Variants in LRP1B observed in about 807,000 individuals in gnomAD.
LRP1B encodes the protein LDL receptor related protein 1B, also known as low-density lipoprotein receptor-related protein 1B.
LRP1B carries 217 observed loss-of-function variants against 556.6 expected under a neutral mutation model. That is an observed-to-expected ratio of 0.39 (90% CI 0.35 to 0.44). The LOEUF (loss-of-function observed/expected upper bound fraction) is 0.44. LRP1B is among the 20% of genes least tolerant of loss of function. The probability of loss-of-function intolerance (pLI) is 1.00; values close to 1 mark genes in which losing one functional copy is unlikely to be tolerated. For synonymous variants in LRP1B, 2,047 were observed against 1,865.8 expected (o/e 1.10, Z -2.50); for missense variants, 5,053 against 5,620.8 (o/e 0.90, Z 3.23).
chr2:141,619,933 A>G (rs1030853227), intron 2 of LRP1B, among the ~76,000 whole-genome samples: 1 of 152,190 alleles, frequency 6.6e-6, no homozygotes, highest in African/African-American at 2.4e-5. Context: ...ATTTCATGCT[A>G]CTTATAATTG....
At chr2:140,458,167 A>G (rs543007454) in intron 60 of LRP1B, among the ~76,000 whole-genome samples, 1 of 152,284 alleles carries the variant, frequency 6.6e-6, no homozygotes, top group East Asian at 1.9e-4. Flanking sequence ...TTATGAAACT[A>G]CTATAAACCT....
chr2:140,769,491 T>C (rs1302057757), intron 34 of LRP1B, 147 bp from the exon 35 acceptor site: 6 of 738,834 alleles, frequency 8.1e-6, no homozygotes, highest in Non-Finnish European at 1.2e-5. Context: ...TATTGTGTAC[T>C]ACACTTCCTG....
At chr2:142,126,873 T>C (rs1439461051) in intron 1 of LRP1B, among the ~76,000 whole-genome samples, 1 of 151,904 alleles carries the variant, frequency 6.6e-6, no homozygotes, top group African/African-American at 2.4e-5. Flanking sequence ...TGACTTTAAA[T>C]GGAGCTGATT....
intron 31 of LRP1B, among the ~76,000 whole-genome samples, chr2:140,833,387 T>G (rs561319832): frequency 5.9e-5 from 9 of 152,324 alleles, no homozygotes; most frequent in African/African-American, 2.2e-4. Flanking sequence ...TTTCTTGGCT[T>G]AGCCCACCAC....
intron 3 of LRP1B, among the ~76,000 whole-genome samples, chr2:141,372,126 G>GT (rs977324642): frequency 2.2e-4 from 34 of 152,000 alleles, no homozygotes; most frequent in African/African-American, 8.0e-4. Flanking sequence ...TGATCATATA[G>GT]TTTTTTTCAT....
chr2:141,788,029 GGTTA>G (rs1157100516), intron 2 of LRP1B, among the ~76,000 whole-genome samples: 1 of 151,846 alleles, frequency 6.6e-6, no homozygotes, highest in Non-Finnish European at 1.5e-5. Flanking sequence ...CTTATTATTT[GGTTA>G]GTTTTTCATA....
chr2:140,820,930 AT>A (rs1236718798), intron 31 of LRP1B, among the ~76,000 whole-genome samples: 28 of 145,330 alleles, frequency 1.9e-4, no homozygotes, highest in Middle Eastern at 3.6e-3. Flanking sequence ...AAAAAAAAGT[AT>A]TTTTTTTCAA....
chr2:140,427,618 G>A (rs926014280), intron 66 of LRP1B, among the ~76,000 whole-genome samples: 2 of 152,144 alleles, frequency 1.3e-5, no homozygotes, highest in African/African-American at 4.8e-5. Context: ...ATGGGCAAAC[G>A]GTCTGAGGTG....
In LRP1B at chr2:141,734,173, C is replaced by T. The variant is rs1025116740; in HGVS notation, c.205+76106G>A. Among the ~76,000 whole-genome samples, 26 of 151,848 alleles carry T rather than the reference C, an allele frequency of 1.7e-4. 1 individual carries two copies. The highest frequency in any genetic ancestry group is 5.8e-4 in the East Asian group (3 of 5,164). ...CACTGAATCCATTGTAATTAATTGA[C>T]GAATTAATCTCTAGATTATCTTGGA... is the stretch of plus-strand genomic sequence containing the variant. On this transcript the variant is annotated intron_variant, in intron 2 of 90. Coordinates refer to ENST00000389484, the MANE Select transcript of LRP1B (RefSeq NM_018557.3).
intron 41 of LRP1B, among the ~76,000 whole-genome samples, chr2:140,643,932 A>G (rs1439126912): frequency 1.3e-5 from 2 of 152,226 alleles, no homozygotes; most frequent in Non-Finnish European, 2.9e-5. Context: ...GGTGGACGAT[A>G]TATGTCCAAA....
At chr2:141,480,653 G>GCAGCACTCT in intron 2 of LRP1B, 120 bp from the exon 3 acceptor site, 2 of 971,886 alleles carry the variant, frequency 2.1e-6, no homozygotes, top group Non-Finnish European at 3.3e-6. Flanking sequence ...TACTGTAAGA[G>GCAGCACTCT]TGCTGCTCTT....
At chr2:140,810,949 C>T (rs560083950) in intron 32 of LRP1B, among the ~76,000 whole-genome samples, 1 of 152,284 alleles carries the variant, frequency 6.6e-6, no homozygotes, top group East Asian at 1.9e-4. Context: ...GTTGACCACG[C>T]TGGTCTTGAA....
At chr2:141,089,728 C>G (rs535238295) in intron 7 of LRP1B, among the ~76,000 whole-genome samples, 3 of 152,086 alleles carry the variant, frequency 2.0e-5, no homozygotes, top group Non-Finnish European at 4.4e-5. Context: ...ATACTACCTC[C>G]CATCGAACCA....
intron 21 of LRP1B, among the ~76,000 whole-genome samples, chr2:140,920,553 AT>A (rs1210226948): frequency 8.6e-5 from 13 of 152,046 alleles, no homozygotes; most frequent in African/African-American, 2.9e-4. Context: ...AAATGAAAAA[AT>A]ATCAAAAGGT....
chr2:141,544,358 C>CTTCTTCTTCTTCTT lies in LRP1B; in HGVS notation c.206-63839_206-63826dup, dbSNP rs1685449965. Reference sequence around the variant, plus strand: ...TCTTCTTCTTCTTCTTCTTCTTCTTCTTCTTCTTCTTCTTCTTCTTCTTCT... The same window carrying CTTCTTCTTCTTCTT: ...TCTTCTTCTTCTTCTTCTTCTTCTTCTTCTTCTTCTTCTTTTCTTCTTCTTCTTCTTCTTCTTCT... On this transcript the variant is annotated intron_variant, in intron 2 of 90. Transcript: ENST00000389484. Among the ~76,000 whole-genome samples, 2 of 96,580 alleles carry CTTCTTCTTCTTCTT rather than the reference C, an allele frequency of 2.1e-5. 1 individual carries two copies. The highest frequency in any genetic ancestry group is 2.5e-4 in the Admixed American group (2 of 7,976). The allele number at this position is 96,580 out of a possible 152,430, so 63.4% of individuals were successfully genotyped here. A position where few individuals can be genotyped will look rare whatever the true frequency, so the allele number is the denominator to read the frequency against.
chr2:141,229,532 T>G, intron 5 of LRP1B, 92 bp from the exon 6 acceptor site: 1 of 937,074 alleles, frequency 1.1e-6, no homozygotes, highest in Non-Finnish European at 1.6e-6. Flanking sequence ...TTTTCTATAC[T>G]TTTAATAAAT....
intron 3 of LRP1B, among the ~76,000 whole-genome samples, chr2:141,361,147 T>C (rs1232457206): frequency 6.6e-6 from 1 of 152,128 alleles, no homozygotes; most frequent in Non-Finnish European, 1.5e-5. Context: ...ATATGAAAGT[T>C]TCATTACTAG....
chr2:141,370,745 C>T (rs957439516), intron 3 of LRP1B, among the ~76,000 whole-genome samples: 1 of 151,806 alleles, frequency 6.6e-6, no homozygotes, highest in African/African-American at 2.4e-5. Flanking sequence ...AAGAGTATTC[C>T]CCAGGTTTTT....
chr2:140,660,929 T>G (rs1173172705), intron 41 of LRP1B, among the ~76,000 whole-genome samples: 1 of 151,582 alleles, frequency 6.6e-6, no homozygotes, highest in Non-Finnish European at 1.5e-5. Flanking sequence ...AGCAGATAAA[T>G]GTATGCTTTT....
Sources: gnomAD v4.1 joint callset for allele counts (sites outside exome capture counted in the v4.1 genomes callset) on GRCh38, gnomAD v4.1.1 for gene constraint, MANE v1.5 for transcripts, NCBI Gene and HGNC (gene_info 2026-07-23, HGNC 2026-07-21) for gene names.